The following NDST4 variants were observed in gnomAD, a reference collection of about 807,000 sequenced individuals.
NDST4 encodes the protein N-heparan sulfate sulfotransferase 4.
Under a neutral mutation model 100.8 loss-of-function variants are expected in NDST4, and 63 were observed. That is an observed-to-expected ratio of 0.62 (90% CI 0.51 to 0.77). The LOEUF is 0.77. Ranked by LOEUF, NDST4 falls within the 30% of genes least tolerant of loss-of-function variation. The pLI, the probability that NDST4 is intolerant of heterozygous loss-of-function variation, is 0.00. For missense variants in NDST4, 943 were observed against 1,018.4 expected, an observed-to-expected ratio of 0.93 and a Z score of 1.01; for synonymous variants, 377 against 361.8, an observed-to-expected ratio of 1.04 and a Z score of -0.48.
intron 6 of NDST4, among the ~76,000 whole-genome samples, chr4:114,926,551 A>G (rs1725390997): frequency 6.6e-6 from 1 of 151,968 alleles, no homozygotes; most frequent in Non-Finnish European, 1.5e-5. Flanking sequence ...GAGAGTCAAA[A>G]TTAAAAAAAA....
chr4:115,021,357 C>CATACATACATTCCATATATATATTCCAT (rs1727814190), intron 2 of NDST4, among the ~76,000 whole-genome samples: 1 of 146,362 alleles, frequency 6.8e-6, no homozygotes, highest in Admixed American at 6.7e-5. Context: ...ATACATATTC[C>CATACATACATTCCATATATATATTCCAT]ATATATACAT....
chr4:115,034,383 T>C (rs1287057684), intron 2 of NDST4, among the ~76,000 whole-genome samples: 1 of 152,010 alleles, frequency 6.6e-6, no homozygotes, highest in Non-Finnish European at 1.5e-5. Flanking sequence ...CATCTGTCAG[T>C]GTCAGGAATT....
chr4:115,047,923 T>C, intron 2 of NDST4, among the ~76,000 whole-genome samples: 1 of 151,986 alleles, frequency 6.6e-6, no homozygotes, highest in South Asian at 2.1e-4. Context: ...TTGATTTTTT[T>C]CAACCTTTTT....
At chr4:115,070,068 T>A (rs1371243599) in intron 2 of NDST4, among the ~76,000 whole-genome samples, 1 of 152,182 alleles carries the variant, frequency 6.6e-6, no homozygotes, top group Non-Finnish European at 1.5e-5. Flanking sequence ...ATCCCATAAC[T>A]GTATATATAC....
chr4:114,904,624 T>C (rs1225844742), intron 6 of NDST4, among the ~76,000 whole-genome samples: 1 of 151,898 alleles, frequency 6.6e-6, no homozygotes, highest in Non-Finnish European at 1.5e-5. Flanking sequence ...TAGCTGAATG[T>C]TATATGGATT....
chr4:114,997,556 T>G (rs1304535226), intron 2 of NDST4, among the ~76,000 whole-genome samples: 1 of 152,064 alleles, frequency 6.6e-6, no homozygotes, highest in African/African-American at 2.4e-5. Flanking sequence ...TATTGAAGCA[T>G]AAATATTACA....
At chr4:114,840,284 C>T (rs927216777) in intron 10 of NDST4, among the ~76,000 whole-genome samples, 1 of 152,032 alleles carries the variant, frequency 6.6e-6, no homozygotes, top group African/African-American at 2.4e-5. Context: ...AGGAAAGGGC[C>T]CAGCTCAGTG....
chr4:114,979,463 T>C (rs1328559847), intron 2 of NDST4, among the ~76,000 whole-genome samples: 2 of 150,940 alleles, frequency 1.3e-5, no homozygotes, highest in East Asian at 2.0e-4. Context: ...CAAAGTATGA[T>C]AAAAGTACAT....
At chr4:115,093,336 G>A (rs1324292879) in intron 1 of NDST4, among the ~76,000 whole-genome samples, 3 of 151,960 alleles carry the variant, frequency 2.0e-5, no homozygotes, top group Middle Eastern at 3.2e-3. Context: ...TTAGCTGGGC[G>A]TGGTGGCGGG....
chr4:115,065,563 A>G (rs1728928843), intron 2 of NDST4, among the ~76,000 whole-genome samples: 2 of 152,080 alleles, frequency 1.3e-5, no homozygotes, highest in African/African-American at 2.4e-5. Flanking sequence ...AGCATATATT[A>G]ATATGCTCAA....
intron 2 of NDST4, among the ~76,000 whole-genome samples, chr4:115,053,001 T>C (rs2126279741): frequency 6.6e-6 from 1 of 152,334 alleles, no homozygotes; most frequent in Admixed American, 6.5e-5. Context: ...AAAATTTTAT[T>C]TATTCCTCGA....
intron 2 of NDST4, among the ~76,000 whole-genome samples, chr4:115,069,217 T>C (rs481922): frequency 0.24 from 36,861 of 152,038 alleles, 6,011 homozygotes; most frequent in East Asian, 0.46. Flanking sequence ...AGACATGAGA[T>C]AGTCATAGTT....
At chr4:115,039,490 G>A (rs1216308504) in intron 2 of NDST4, among the ~76,000 whole-genome samples, 2 of 151,898 alleles carry the variant, frequency 1.3e-5, no homozygotes, top group Non-Finnish European at 2.9e-5. Flanking sequence ...GTGAAAATAG[G>A]ACAAATAAAT....
chr4:114,890,941 A>G (rs1339731014), intron 6 of NDST4, among the ~76,000 whole-genome samples: 3 of 151,944 alleles, frequency 2.0e-5, no homozygotes, highest in Non-Finnish European at 4.4e-5. Flanking sequence ...ATTTCTTCAA[A>G]TTGCTTCATG....
intron 6 of NDST4, among the ~76,000 whole-genome samples, chr4:114,932,206 G>C (rs1255069326): frequency 6.6e-6 from 1 of 151,852 alleles, no homozygotes; most frequent in Non-Finnish European, 1.5e-5. Flanking sequence ...AAATCCATAA[G>C]TGTGATAAAC....
intron 11 of NDST4, among the ~76,000 whole-genome samples, chr4:114,837,201 G>T (rs1344180932): frequency 6.6e-6 from 1 of 151,962 alleles, no homozygotes; most frequent in Non-Finnish European, 1.5e-5. Context: ...GAGGCATTCT[G>T]GTTTTTGAAA....
chr4:115,056,379 T>C (rs1728694867), intron 2 of NDST4, among the ~76,000 whole-genome samples: 1 of 152,006 alleles, frequency 6.6e-6, no homozygotes, highest in African/African-American at 2.4e-5. Flanking sequence ...ATATAAAGAG[T>C]AAAACACCTA....
chr4:115,056,091 C>T (rs1158578118), intron 2 of NDST4, among the ~76,000 whole-genome samples: 1 of 152,090 alleles, frequency 6.6e-6, no homozygotes, highest in Non-Finnish European at 1.5e-5. Context: ...GTGGCTCACA[C>T]CTGTAATTCC....
At chr4:115,016,809 T>C (rs1197812128) in intron 2 of NDST4, among the ~76,000 whole-genome samples, 2 of 152,046 alleles carry the variant, frequency 1.3e-5, no homozygotes, top group African/African-American at 2.4e-5. Context: ...AGAATGAAGG[T>C]GTGGGTCATC....
Sources: allele counts gnomAD v4.1 joint callset (sites outside exome capture counted in the v4.1 genomes callset), GRCh38; gene constraint gnomAD v4.1.1; transcripts MANE v1.5; gene names NCBI Gene and HGNC (gene_info 2026-07-23, HGNC 2026-07-21).